The following MAD1L1 variants were observed in gnomAD, a reference collection of about 807,000 sequenced individuals.
MAD1L1 encodes mitotic spindle assembly checkpoint protein MAD1.
A neutral mutation model predicts 96.9 loss-of-function variants in MAD1L1; 95 were observed. The ratio of observed to expected loss-of-function variants is 0.98; its 90% CI spans 0.83 to 1.16. The LOEUF (loss-of-function observed/expected upper bound fraction) is 1.16. MAD1L1 is among the 50% of genes most tolerant of loss of function. The probability of loss-of-function intolerance (pLI) is 0.00; values close to 1 mark genes in which losing one functional copy is unlikely to be tolerated. For synonymous variants in MAD1L1, 473 were observed against 396.6 expected (o/e 1.19, Z -2.29); for missense variants, 1,007 against 954.4 (o/e 1.06, Z -0.73).
chr7:2,179,692 G>A lies in MAD1L1; in HGVS notation c.987-30454C>T, dbSNP rs552470544. On this transcript the variant is annotated intron_variant, in intron 10 of 18. Transcript: ENST00000265854. ...CCAATTAAAAGTCCTGTCTTAGGCC[G>A]AGCATGGTGGCTCACGCCTGTAATC... 1.1e-4 allele frequency among the ~76,000 whole-genome samples: 16 copies of A among 152,120 alleles called. No homozygotes were observed. The South Asian group carries it at 2.9e-3, about 28-fold the overall frequency.
rs139914055 is a variant in MAD1L1 at position 1,854,236 on chromosome 7, G to A, written c.1999-38008C>T. On this transcript the variant is annotated intron_variant, in intron 18 of 18. Transcript: ENST00000265854. ...GACAGGCCGCACCCACCATGGCCCCGGTGCCTCGGTGTTGGGTACTGAGCC... is the reference window on the plus strand; with the variant it reads ...GACAGGCCGCACCCACCATGGCCCCAGTGCCTCGGTGTTGGGTACTGAGCC... 2.0e-3 allele frequency: 691 copies of A among 346,134 alleles called. 4 individuals carry two copies. Among genetic ancestry groups the A allele is most frequent in the African/African-American group, 0.012 (565 of 46,362 alleles). The allele number at this position is 346,134 out of a possible 1,614,324, so 21.4% of individuals were successfully genotyped here.
At chr7:2,040,430 T>C (rs1783623661) in intron 12 of MAD1L1, among the ~76,000 whole-genome samples, 1 of 152,218 alleles carries the variant, frequency 6.6e-6, no homozygotes, top group South Asian at 2.1e-4. Context: ...TCGGGAACTT[T>C]GCTCATTTTA....
At chr7:1,963,092 A>T (rs1192881580) in intron 15 of MAD1L1, among the ~76,000 whole-genome samples, 2 of 152,250 alleles carry the variant, frequency 1.3e-5, no homozygotes, top group Non-Finnish European at 2.9e-5. Context: ...ACTCCACACT[A>T]GGCGTTTACC....
chr7:2,214,804 G>A (rs900387495), intron 9 of MAD1L1, among the ~76,000 whole-genome samples: 1 of 152,176 alleles, frequency 6.6e-6, no homozygotes, highest in Non-Finnish European at 1.5e-5. Flanking sequence ...CAACTGCCGC[G>A]GTGAAGACAG....
chr7:1,964,306 T>G (rs999091475), intron 15 of MAD1L1, among the ~76,000 whole-genome samples: 3 of 152,202 alleles, frequency 2.0e-5, no homozygotes, highest in Non-Finnish European at 4.4e-5. Context: ...TTCTGAAGGC[T>G]TGGGAGCAAA....
chr7:2,160,321 T>C (rs1790041213), intron 10 of MAD1L1, among the ~76,000 whole-genome samples: 1 of 143,262 alleles, frequency 7.0e-6, no homozygotes, highest in African/African-American at 2.5e-5. Context: ...GGCTTGCCAC[T>C]GGATCCTATT....
chr7:2,074,700 T>A (rs1785294361), intron 11 of MAD1L1, among the ~76,000 whole-genome samples: 1 of 152,218 alleles, frequency 6.6e-6, no homozygotes, highest in Admixed American at 6.5e-5. Context: ...GCTGCAGCCC[T>A]GGCACCGCAA....
chr7:2,167,442 G>A (rs1419356000), intron 10 of MAD1L1, among the ~76,000 whole-genome samples: 4 of 152,142 alleles, frequency 2.6e-5, no homozygotes, highest in East Asian at 1.9e-4. Context: ...CCAGCTACTC[G>A]GGAGGCTGAG....
intron 18 of MAD1L1, among the ~76,000 whole-genome samples, chr7:1,892,037 T>C (rs1338448898): frequency 2.0e-5 from 3 of 152,192 alleles, no homozygotes; most frequent in East Asian, 1.9e-4. Flanking sequence ...CCGCCAGCCC[T>C]GCGAGCTCCG....
intron 16 of MAD1L1, among the ~76,000 whole-genome samples, chr7:1,945,748 C>A (rs1396816425): frequency 6.6e-6 from 1 of 152,194 alleles, no homozygotes. Context: ...GGTAAGGTGG[C>A]GGCGCTGGGC....
At chr7:2,068,401 G>C (rs17132130) in intron 12 of MAD1L1, among the ~76,000 whole-genome samples, 42,812 of 152,136 alleles carry the variant, frequency 0.28, 6,296 homozygotes, top group South Asian at 0.44. Context: ...CAGCAAAGAG[G>C]CTTGGTTTTC....
chr7:1,900,787 G>GA (rs1328023112), intron 17 of MAD1L1, among the ~76,000 whole-genome samples: 9 of 152,186 alleles, frequency 5.9e-5, no homozygotes, highest in Non-Finnish European at 1.2e-4. Flanking sequence ...CTTGGAGAAG[G>GA]AAACAGCCCT....
intron 18 of MAD1L1, among the ~76,000 whole-genome samples, chr7:1,857,159 C>T (rs562926965): frequency 6.6e-6 from 1 of 152,212 alleles, no homozygotes; most frequent in Non-Finnish European, 1.5e-5. Flanking sequence ...GCCAGAGCCA[C>T]GGTTTCTTAG....
At chr7:2,073,537 C>T (rs1232256671) in intron 11 of MAD1L1, among the ~76,000 whole-genome samples, 2 of 152,222 alleles carry the variant, frequency 1.3e-5, no homozygotes, top group Non-Finnish European at 1.5e-5. Flanking sequence ...ACCATCTCCC[C>T]GATCCGCTGG....
chr7:2,165,637 T>C (rs1320608417), intron 10 of MAD1L1, among the ~76,000 whole-genome samples: 1 of 93,808 alleles, frequency 1.1e-5, no homozygotes, highest in African/African-American at 4.3e-5. Flanking sequence ...ACCAAGGTGG[T>C]GTCCACGGCA....
chr7:1,882,039 G>A (rs554750627), intron 18 of MAD1L1, among the ~76,000 whole-genome samples: 3 of 152,216 alleles, frequency 2.0e-5, no homozygotes, highest in East Asian at 3.9e-4. Flanking sequence ...GAATCACTCT[G>A]AGCCTCCGCC....
intron 18 of MAD1L1, among the ~76,000 whole-genome samples, chr7:1,828,313 G>A (rs1207314716): frequency 2.0e-5 from 3 of 152,208 alleles, no homozygotes; most frequent in South Asian, 2.1e-4. Context: ...GCAGGGCCTC[G>A]CGGGACCCGA....
intron 17 of MAD1L1, among the ~76,000 whole-genome samples, chr7:1,900,439 C>T (rs1180169121): frequency 6.6e-6 from 1 of 152,196 alleles, no homozygotes; most frequent in Non-Finnish European, 1.5e-5. Flanking sequence ...GGCCTCCTCC[C>T]TCCGTTGCTG....
chr7:2,010,834 G>A (rs1306026841), intron 13 of MAD1L1, among the ~76,000 whole-genome samples: 4 of 152,108 alleles, frequency 2.6e-5, no homozygotes, highest in Admixed American at 1.3e-4. Context: ...AGGGGCATGC[G>A]CAGGGCCGGG....
Sources: gnomAD v4.1 joint callset for allele counts (sites outside exome capture counted in the v4.1 genomes callset) on GRCh38, gnomAD v4.1.1 for gene constraint, MANE v1.5 for transcripts, NCBI Gene and HGNC (gene_info 2026-07-23, HGNC 2026-07-21) for gene names.